Variants in LPP observed in about 807,000 individuals in gnomAD.
The protein encoded by LPP is lipoma-preferred partner.
LPP carries 38 observed loss-of-function variants against 60.4 expected under a neutral mutation model. The ratio of observed to expected loss-of-function variants is 0.63; its 90% CI spans 0.49 to 0.83. The LOEUF (loss-of-function observed/expected upper bound fraction) is 0.83, where lower values mean the gene tolerates loss of function less well. Among genes scored for constraint, LPP ranks in the 40% least tolerant of loss-of-function variants. LPP has a pLI of 0.00. For synonymous variants in LPP, 328 were observed against 290.8 expected (o/e 1.13, Z -1.30); for missense variants, 902 against 783.6 (o/e 1.15, Z -1.80).
At chr3:188,297,719 C>G (rs1748399076) in intron 2 of LPP, among the ~76,000 whole-genome samples, 1 of 152,100 alleles carries the variant, frequency 6.6e-6, no homozygotes, top group Non-Finnish European at 1.5e-5. Flanking sequence ...GTTTCATTAC[C>G]CAGCTTAATC....
chr3:188,258,680 G>A (rs1577636150), intron 2 of LPP, among the ~76,000 whole-genome samples: 1 of 152,130 alleles, frequency 6.6e-6, no homozygotes, highest in South Asian at 2.1e-4. Context: ...CTCGCTATTA[G>A]CGCAAAAAAA....
At chr3:188,486,931 G>A (rs1262022275) in intron 5 of LPP, among the ~76,000 whole-genome samples, 1 of 152,044 alleles carries the variant, frequency 6.6e-6, no homozygotes, top group African/African-American at 2.4e-5. Flanking sequence ...CTTAGCTTTG[G>A]CTTTAATATA....
At chr3:188,282,975 C>G (rs111775594) in intron 2 of LPP, among the ~76,000 whole-genome samples, 15 of 152,262 alleles carry the variant, frequency 9.9e-5, no homozygotes, top group African/African-American at 3.4e-4. Flanking sequence ...AATTGAATTA[C>G]TGAGGAGGCC....
At chr3:188,806,296 C>T (rs1320088751) in intron 9 of LPP, among the ~76,000 whole-genome samples, 1 of 151,502 alleles carries the variant, frequency 6.6e-6, no homozygotes, top group African/African-American at 2.4e-5. Context: ...TCATCTTAAC[C>T]CCATATTCAA....
At chr3:188,485,783 C>A (rs1218725178) in intron 5 of LPP, among the ~76,000 whole-genome samples, 8 of 46,136 alleles carry the variant, frequency 1.7e-4, no homozygotes, top group Non-Finnish European at 3.0e-4. Flanking sequence ...GGCGACAGAG[C>A]GAGACTCCGT....
intron 4 of LPP, among the ~76,000 whole-genome samples, chr3:188,433,705 T>G (rs974434264): frequency 9.7e-5 from 11 of 113,180 alleles, no homozygotes; most frequent in African/African-American, 2.1e-4. Flanking sequence ...AGAGAGATGA[T>G]GGAGAAGAGA....
At chr3:188,655,747 G>C (rs1025450378) in intron 7 of LPP, among the ~76,000 whole-genome samples, 4 of 152,154 alleles carry the variant, frequency 2.6e-5, no homozygotes, top group African/African-American at 9.7e-5. Context: ...CTATAGAATA[G>C]AGAGAATTGG....
intron 5 of LPP, among the ~76,000 whole-genome samples, chr3:188,489,401 A>T (rs1405497334): frequency 6.6e-6 from 1 of 152,176 alleles, no homozygotes; most frequent in East Asian, 1.9e-4. Flanking sequence ...ATTTAAATTG[A>T]ACTGAACTTT....
intron 2 of LPP, among the ~76,000 whole-genome samples, chr3:188,232,231 C>T (rs929922888): frequency 3.9e-5 from 6 of 152,190 alleles, no homozygotes; most frequent in Non-Finnish European, 7.3e-5. Flanking sequence ...AGTGACTTTA[C>T]AGCCAAAATG....
chr3:188,428,596 A>ATTTTT (rs3057781), intron 4 of LPP, among the ~76,000 whole-genome samples: 1 of 142,692 alleles, frequency 7.0e-6, no homozygotes. Context: ...ATATATATAT[A>ATTTTT]TTTTTTTTTT....
At chr3:188,462,424 A>G (rs1405573661) in intron 4 of LPP, among the ~76,000 whole-genome samples, 1 of 149,892 alleles carries the variant, frequency 6.7e-6, no homozygotes, top group Non-Finnish European at 1.5e-5. Context: ...AATTGATTGT[A>G]TATTATTGCA....
intron 7 of LPP, among the ~76,000 whole-genome samples, chr3:188,638,101 T>C: frequency 6.9e-6 from 1 of 145,710 alleles, no homozygotes; most frequent in African/African-American, 2.5e-5. Context: ...TGAACATTGA[T>C]GCAAAAATCC....
At chr3:188,592,597 T>C (rs1344493405) in intron 6 of LPP, among the ~76,000 whole-genome samples, 1 of 118,302 alleles carries the variant, frequency 8.5e-6, no homozygotes, top group Non-Finnish European at 1.8e-5. Flanking sequence ...CAGGCTGGAG[T>C]GCAGTGGGGC....
chr3:188,534,011 G>T (rs1479362880), intron 6 of LPP, among the ~76,000 whole-genome samples: 1 of 152,130 alleles, frequency 6.6e-6, no homozygotes, highest in Non-Finnish European at 1.5e-5. Flanking sequence ...TTTTCAGAGT[G>T]GAAATTTAGC....
chr3:188,241,914 T>A (rs73059628), intron 2 of LPP, among the ~76,000 whole-genome samples: 2,582 of 152,324 alleles, frequency 0.017, 67 homozygotes, highest in African/African-American at 0.056. Flanking sequence ...GCATATGGAA[T>A]AAAGGTCTTT....
intron 7 of LPP, among the ~76,000 whole-genome samples, chr3:188,694,128 A>G (rs535735614): frequency 5.8e-4 from 89 of 152,294 alleles, no homozygotes; most frequent in South Asian, 8.3e-4. Flanking sequence ...TTGTTGTAGA[A>G]TTGAATATTT....
intron 3 of LPP, among the ~76,000 whole-genome samples, chr3:188,355,528 G>A (rs887268098): frequency 1.3e-5 from 2 of 152,050 alleles, no homozygotes; most frequent in Non-Finnish European, 2.9e-5. Context: ...CAGTAAAATA[G>A]CCTGTTTACA....
chr3:188,422,334 T>C (rs1298307702), intron 4 of LPP, among the ~76,000 whole-genome samples: 2 of 152,174 alleles, frequency 1.3e-5, no homozygotes, highest in Non-Finnish European at 2.9e-5. Flanking sequence ...TGTTTTCTAG[T>C]GTTAGCAGAT....
At chr3:188,422,813 C>T (rs1788154309) in intron 4 of LPP, among the ~76,000 whole-genome samples, 2 of 151,944 alleles carry the variant, frequency 1.3e-5, no homozygotes, top group South Asian at 4.2e-4. Flanking sequence ...TGTATTACAG[C>T]CAGTGTTCTA....
Sources: gnomAD v4.1 joint callset for allele counts (sites outside exome capture counted in the v4.1 genomes callset) on GRCh38, gnomAD v4.1.1 for gene constraint, MANE v1.5 for transcripts, NCBI Gene and HGNC (gene_info 2026-07-23, HGNC 2026-07-21) for gene names.